The following CUL1 variants were observed in gnomAD, a reference collection of about 807,000 sequenced individuals.
CUL1 encodes cullin 1, also known as cullin-1.
A neutral mutation model predicts 118.0 loss-of-function variants in CUL1; 24 were observed. That is an observed-to-expected ratio of 0.20 (90% confidence interval 0.15 to 0.29). The LOEUF (loss-of-function observed/expected upper bound fraction) is 0.29. Ranked by LOEUF, CUL1 falls within the 10% of genes least tolerant of loss-of-function variation. CUL1 has a pLI of 1.00. For synonymous variants in CUL1, 332 were observed against 340.4 expected (o/e 0.98, Z 0.27); for missense variants, 361 against 933.8 (o/e 0.39, Z 7.99).
chr7:148,779,292 C>A (rs928802784), intron 9 of CUL1, among the ~76,000 whole-genome samples: 3 of 152,144 alleles, frequency 2.0e-5, no homozygotes, highest in Non-Finnish European at 2.9e-5. Flanking sequence ...AGAAGTACGG[C>A]AGTGGTAGCA....
At chr7:148,715,306 G>A (rs1306779523) in intron 1 of CUL1, among the ~76,000 whole-genome samples, 1 of 152,136 alleles carries the variant, frequency 6.6e-6, no homozygotes, top group Non-Finnish European at 1.5e-5. Context: ...ATCGTGTTGA[G>A]CGAGTCGTTT....
chr7:148,754,233 C>T, intron 3 of CUL1, 83 bp downstream of exon 3: 1 of 922,672 alleles, frequency 1.1e-6, no homozygotes. Context: ...TTAAATCTTT[C>T]ACTGTCATCT....
At chr7:148,754,538 T>C (rs763096349) in intron 3 of CUL1, among the ~76,000 whole-genome samples, 44 of 152,334 alleles carry the variant, frequency 2.9e-4, no homozygotes, top group Non-Finnish European at 5.4e-4. Flanking sequence ...TTTCGTTAAA[T>C]TACCAACCAT....
intron 1 of CUL1, among the ~76,000 whole-genome samples, 163 bp downstream of exon 1, chr7:148,699,192 C>T (rs1042149947): frequency 2.6e-5 from 4 of 151,898 alleles, no homozygotes; most frequent in Non-Finnish European, 5.9e-5. Context: ...GAATGGCGGC[C>T]GGGCCGGGGG....
chr7:148,775,265 C>A (rs548319705), intron 9 of CUL1, among the ~76,000 whole-genome samples: 1 of 152,316 alleles, frequency 6.6e-6, no homozygotes, highest in South Asian at 2.1e-4. Flanking sequence ...GAAAAGAACA[C>A]TGTCCAGTCA....
chr7:148,701,144 C>CT (rs555877889), intron 1 of CUL1, among the ~76,000 whole-genome samples: 2 of 151,644 alleles, frequency 1.3e-5, no homozygotes, highest in South Asian at 2.1e-4. Context: ...GCCTCAGTTG[C>CT]TTTTTTTTAA....
chr7:148,727,476 G>A (rs1218845348), intron 1 of CUL1, among the ~76,000 whole-genome samples: 3 of 152,046 alleles, frequency 2.0e-5, no homozygotes, highest in South Asian at 2.1e-4. Flanking sequence ...TGTATTGAGC[G>A]GCATGCCAGG....
In CUL1 at chr7:148,725,636, C is replaced by T. The variant is rs374373922; in HGVS notation, c.-161-4326C>T. Among the ~76,000 whole-genome samples the T allele has an allele frequency of 9.8e-5, 15 of 152,300 alleles. No individual in the cohort carries two copies. In the East Asian group the frequency reaches 2.7e-3, roughly 27 times the overall value. On this transcript the variant is annotated intron_variant, in intron 1 of 21. Transcript: ENST00000325222. ...CCAAGCCAGGTCTCAGCATCTGCTC[C>T]GAGAGCCCTGCCTGGGACCTCCTCA...
intron 1 of CUL1, among the ~76,000 whole-genome samples, chr7:148,723,029 A>G (rs758421233): frequency 1.3e-5 from 2 of 152,226 alleles, no homozygotes; most frequent in African/African-American, 2.4e-5. Flanking sequence ...AATAGTTAGC[A>G]TTTTTGAAAC....
intron 9 of CUL1, among the ~76,000 whole-genome samples, chr7:148,780,186 T>G (rs907624368): frequency 6.6e-6 from 1 of 152,090 alleles, no homozygotes; most frequent in African/African-American, 2.4e-5. Context: ...ACCAGTTAGG[T>G]TAGTTAGGTT....
In CUL1 at chr7:148,745,031, T is replaced by G. The variant is rs191338573; in HGVS notation, c.141-8945T>G. On this transcript the variant is annotated intron_variant, in intron 2 of 21. Coordinates refer to ENST00000325222, the MANE Select transcript of CUL1 (RefSeq NM_003592.3). Reference sequence around the variant, plus strand: ...TTTCCCTGTCCGCTTTCAAGATTGTTCCCCCTTTGGTTTTCTAGAAGTTTT... The same window carrying G: ...TTTCCCTGTCCGCTTTCAAGATTGTGCCCCCTTTGGTTTTCTAGAAGTTTT... 3.9e-5 allele frequency among the ~76,000 whole-genome samples: 6 copies of G among 152,308 alleles called. No homozygotes were observed. The East Asian group carries it at 1.2e-3, about 29-fold the overall frequency.
At chr7:148,793,155 C>G (rs1801074783) in intron 17 of CUL1, among the ~76,000 whole-genome samples, 1 of 152,080 alleles carries the variant, frequency 6.6e-6, no homozygotes, top group Non-Finnish European at 1.5e-5. Flanking sequence ...GACCCTGTCT[C>G]TTAAAAATAA....
intron 1 of CUL1, among the ~76,000 whole-genome samples, chr7:148,719,524 A>G (rs1460991177): frequency 6.6e-6 from 1 of 152,170 alleles, no homozygotes; most frequent in Non-Finnish European, 1.5e-5. Context: ...ATCTAATTAG[A>G]TAATCCTTCT....
At chr7:148,749,724 A>G (rs1299104272) in intron 2 of CUL1, among the ~76,000 whole-genome samples, 2 of 152,208 alleles carry the variant, frequency 1.3e-5, no homozygotes, top group Non-Finnish European at 2.9e-5. Context: ...AGAGTGTTCA[A>G]GTAAAATGAA....
intron 1 of CUL1, among the ~76,000 whole-genome samples, chr7:148,708,076 T>G (rs984602609): frequency 4.6e-5 from 7 of 152,336 alleles, no homozygotes; most frequent in African/African-American, 1.7e-4. Flanking sequence ...CCAGTTCATC[T>G]TATCTTTTCT....
chr7:148,754,144 T>G lies in CUL1; in HGVS notation c.309T>G (p.Leu103=). ...KEFLKNYLTN[L]LKDGEDLMDE... ...TTTTGAAGAATTACTTGACAAATCT[T>G]CTTAAGGTAAGATGTTTTATATATA... The change falls in exon 3 of 22, where the codon CTT becomes CTG. Residue 103 remains leucine, a synonymous_variant. Transcript: ENST00000325222. 4 of 1,594,006 alleles carry G rather than the reference T, an allele frequency of 2.5e-6. No individual in the cohort carries two copies. The highest frequency in any genetic ancestry group is 2.6e-6 in the Non-Finnish European group (3 of 1,166,546).
At chr7:148,793,135 G>A (rs73469640) in intron 17 of CUL1, among the ~76,000 whole-genome samples, 11,633 of 152,094 alleles carry the variant, frequency 0.076, 528 homozygotes, top group African/African-American at 0.11. Context: ...ACTCCAGCGT[G>A]GGTGACAGAG....
At chr7:148,741,593 C>T (rs1799141033) in intron 2 of CUL1, among the ~76,000 whole-genome samples, 1 of 150,324 alleles carries the variant, frequency 6.7e-6, no homozygotes, top group South Asian at 2.1e-4. Context: ...TGTGCATCAC[C>T]ATGCCCAGCT....
chr7:148,714,675 A>G (rs927756891), intron 1 of CUL1, among the ~76,000 whole-genome samples: 2 of 151,970 alleles, frequency 1.3e-5, no homozygotes, highest in African/African-American at 4.8e-5. Context: ...TCTCGTGGTG[A>G]TCTGAGTGGG....
Sources: allele counts gnomAD v4.1 joint callset (sites outside exome capture counted in the v4.1 genomes callset), GRCh38; gene constraint gnomAD v4.1.1; transcripts MANE v1.5; gene names NCBI Gene and HGNC (gene_info 2026-07-23, HGNC 2026-07-21).